The following NPR3 variants were observed in gnomAD, a reference collection of about 807,000 sequenced individuals.
NPR3 encodes natriuretic peptide receptor 3.
NPR3 carries 34 observed loss-of-function variants against 54.5 expected under a neutral mutation model. The observed-to-expected ratio is 0.62, with a 90% confidence interval of 0.47 to 0.83. The LOEUF is 0.83. Among genes scored for constraint, NPR3 ranks in the 40% least tolerant of loss-of-function variants. NPR3 has a pLI of 0.00. For synonymous variants in NPR3, 289 were observed against 297.1 expected (o/e 0.97, Z 0.28); for missense variants, 674 against 720.8 (o/e 0.94, Z 0.74).
At chr5:32,769,851 C>T (rs1369521237) in intron 3 of NPR3, among the ~76,000 whole-genome samples, 1 of 152,218 alleles carries the variant, frequency 6.6e-6, no homozygotes, top group African/African-American at 2.4e-5. Context: ...GTTTGGAACA[C>T]AGGCATTGAG....
chr5:32,728,833 GTGTGTA>G (rs1473938413), intron 2 of NPR3, among the ~76,000 whole-genome samples: 10 of 64,070 alleles, frequency 1.6e-4, no homozygotes, highest in Non-Finnish European at 2.0e-4. Flanking sequence ...GTGTGTGTGT[GTGTGTA>G]TATATATATA....
At chr5:32,693,017 G>A (rs905571909) in intron 1 of NPR3, among the ~76,000 whole-genome samples, 2 of 152,098 alleles carry the variant, frequency 1.3e-5, no homozygotes, top group Non-Finnish European at 2.9e-5. Context: ...ATCTACTCAG[G>A]AGGCTGAGAC....
intron 4 of NPR3, among the ~76,000 whole-genome samples, chr5:32,775,440 G>A (rs879706441): frequency 5.9e-5 from 9 of 151,922 alleles, no homozygotes; most frequent in Admixed American, 2.0e-4. Context: ...GATTACAGGC[G>A]CCTGCCACCA....
chr5:32,707,842 T>G (rs932958940), upstream of NPR3, among the ~76,000 whole-genome samples: 5 of 152,198 alleles, frequency 3.3e-5, no homozygotes, highest in Non-Finnish European at 7.3e-5. Flanking sequence ...GAATCACATG[T>G]TAGTTTTCCT....
chr5:32,784,727 G>T (rs1347809226), intron 6 of NPR3, 69 bp from the exon 7 acceptor site: 12 of 1,251,354 alleles, frequency 9.6e-6, no homozygotes, highest in Admixed American at 1.8e-5. Flanking sequence ...TTCTTGCAAT[G>T]AATGAAACTC....
At chr5:32,713,503 C>T (rs1192891503) in intron 1 of NPR3, 1 of 965,952 alleles carries the variant, frequency 1.0e-6, no homozygotes, top group Non-Finnish European at 1.2e-6. Context: ...TCCCTCTAGT[C>T]AGGGATTAGG....
intron 2 of NPR3, among the ~76,000 whole-genome samples, chr5:32,728,152 T>G (rs1739231675): frequency 6.6e-6 from 1 of 152,174 alleles, no homozygotes; most frequent in African/African-American, 2.4e-5. Flanking sequence ...GGGTCTATAT[T>G]CATGAGTGAG....
At chr5:32,705,796 A>T (rs191630440), upstream of NPR3, among the ~76,000 whole-genome samples, 22 of 152,312 alleles carry the variant, frequency 1.4e-4, 1 homozygote, top group Admixed American at 1.3e-3. Context: ...CAGAAACAAT[A>T]ATCAACGCCA....
upstream of NPR3, among the ~76,000 whole-genome samples, chr5:32,705,215 G>A (rs137968399): frequency 6.6e-6 from 1 of 152,282 alleles, no homozygotes; most frequent in East Asian, 1.9e-4. Flanking sequence ...GAAATCAGAA[G>A]TTTACAAATA....
chr5:32,767,239 C>G (rs1741520342), intron 3 of NPR3, among the ~76,000 whole-genome samples: 1 of 152,222 alleles, frequency 6.6e-6, no homozygotes, highest in Middle Eastern at 3.2e-3. Flanking sequence ...AATGTTATAA[C>G]TGGGCAAGCC....
intron 1 of NPR3, among the ~76,000 whole-genome samples, chr5:32,714,432 A>G (rs1738440502): frequency 6.6e-6 from 1 of 151,248 alleles, no homozygotes; most frequent in Non-Finnish European, 1.5e-5. Context: ...GCTTCTGAGG[A>G]CTAGGGCTGC....
At chr5:32,772,676 G>C (rs1401409577) in intron 3 of NPR3, among the ~76,000 whole-genome samples, 1 of 152,130 alleles carries the variant, frequency 6.6e-6, no homozygotes, top group Non-Finnish European at 1.5e-5. Context: ...AACTAAGCAG[G>C]ATCTCTAGGT....
intron 2 of NPR3, among the ~76,000 whole-genome samples, chr5:32,728,052 G>T (rs1034565700): frequency 6.6e-6 from 1 of 152,288 alleles, no homozygotes; most frequent in South Asian, 2.1e-4. Flanking sequence ...GGCCACCATG[G>T]CATTCTTGGA....
chr5:32,722,579 G>A (rs1417053108), intron 1 of NPR3, among the ~76,000 whole-genome samples: 1 of 152,182 alleles, frequency 6.6e-6, no homozygotes, highest in African/African-American at 2.4e-5. Context: ...CCAGACCCTG[G>A]ACTATGATCA....
intron 3 of NPR3, among the ~76,000 whole-genome samples, chr5:32,743,172 C>G (rs1049759846): frequency 6.6e-6 from 1 of 152,192 alleles, no homozygotes; most frequent in Non-Finnish European, 1.5e-5. Context: ...TCTCCTCTAT[C>G]CATCTCTTGC....
At chr5:32,725,316 GTCCATAAATGTGA>G (rs2111894581) in intron 2 of NPR3, among the ~76,000 whole-genome samples, 1 of 152,254 alleles carries the variant, frequency 6.6e-6, no homozygotes, top group South Asian at 2.1e-4. Flanking sequence ...TTTGAGTTAT[GTCCATAAATGTGA>G]TTTCCATAAA....
intron 2 of NPR3, among the ~76,000 whole-genome samples, chr5:32,733,995 C>T (rs1223697003): frequency 6.6e-6 from 1 of 152,304 alleles, no homozygotes; most frequent in East Asian, 1.9e-4. Flanking sequence ...GCCTCAATTT[C>T]CTCATCTGTA....
rs775205431 is a variant in NPR3 at position 32,791,224 on chromosome 5, C to G, written c.*4879C>G. 1 of 167,066 alleles carries G rather than the reference C, an allele frequency of 6.0e-6. No homozygotes were observed. Among genetic ancestry groups the G allele is most frequent in the Non-Finnish European group, 1.5e-5 (1 of 68,140 alleles). The allele number at this position is 167,066 out of a possible 1,614,324, so 10.3% of individuals were successfully genotyped here. On this transcript the variant is annotated 3_prime_UTR_variant, in exon 8 of 8. Coordinates refer to ENST00000265074, the MANE Select transcript of NPR3 (RefSeq NM_001204375.2). ...TGCTGTGAGTTTGTTCGTTGCAGACCTTTGTGTTGGGTCCTGGGAATCTGA... is the reference window on the plus strand; with the variant it reads ...TGCTGTGAGTTTGTTCGTTGCAGACGTTTGTGTTGGGTCCTGGGAATCTGA...
At chr5:32,785,429 G>T (rs908846660) in intron 7 of NPR3, among the ~76,000 whole-genome samples, 4 of 152,156 alleles carry the variant, frequency 2.6e-5, no homozygotes, top group Admixed American at 1.3e-4. Context: ...GGGATTACAG[G>T]TGTGAGCCAC....
Sources: gnomAD v4.1 joint callset for allele counts (sites outside exome capture counted in the v4.1 genomes callset) on GRCh38, gnomAD v4.1.1 for gene constraint, MANE v1.5 for transcripts, NCBI Gene and HGNC (gene_info 2026-07-23, HGNC 2026-07-21) for gene names.